Variants in SLC1A6 observed in about 807,000 individuals in gnomAD.
The protein encoded by SLC1A6 is solute carrier family 1 member 6, also known as excitatory amino acid transporter 4.
Under a neutral mutation model 42.1 loss-of-function variants are expected in SLC1A6, and 15 were observed. The ratio of observed to expected loss-of-function variants is 0.36; its 90% CI spans 0.24 to 0.55. The LOEUF (loss-of-function observed/expected upper bound fraction) is 0.55. Ranked by LOEUF, SLC1A6 falls within the 20% of genes least tolerant of loss-of-function variation. The probability of loss-of-function intolerance (pLI) is 0.88; values close to 1 mark genes in which losing one functional copy is unlikely to be tolerated. For synonymous variants in SLC1A6, 317 were observed against 319.7 expected (o/e 0.99, Z 0.09); for missense variants, 542 against 772.5 (o/e 0.70, Z 3.54).
At chr19:14,996,279 T>C (rs1171169142) in intron 1 of SLC1A6, among the ~76,000 whole-genome samples, 1 of 152,126 alleles carries the variant, frequency 6.6e-6, no homozygotes, top group Non-Finnish European at 1.5e-5. Context: ...AAGTAGAACA[T>C]TGGTTACCAG....
In SLC1A6 at chr19:14,954,274, G is replaced by T. The variant is rs889266576; in HGVS notation, c.1225C>A (p.Arg409Ser). The change falls in exon 8 of 10, where the codon CGC becomes AGC. Residue 409 changes from arginine (R) to serine (S), a missense_variant. Transcript: ENST00000594383. ...GGCAGGACGAACCTGGTGATGCGGCGGTCCACACCCAGGCCCTCCTCCAGG... is the reference window on the plus strand; with the variant it reads ...GGCAGGACGAACCTGGTGATGCGGCTGTCCACACCCAGGCCCTCCTCCAGG... ...RCLEEGLGVD[R>S]RITRFVLPVG... is the part of the protein sequence containing the mutation. 5.0e-6 allele frequency: 8 copies of T among 1,613,330 alleles called. No individual in the cohort carries two copies. The highest frequency in any genetic ancestry group is 6.8e-6 in the Non-Finnish European group (8 of 1,180,030).
At chr19:14,981,208 A>T (rs906537772), upstream of SLC1A6, among the ~76,000 whole-genome samples, 2 of 151,996 alleles carry the variant, frequency 1.3e-5, no homozygotes, top group Admixed American at 6.6e-5. Flanking sequence ...CAGGAGGGTC[A>T]CTTGAGCTTA....
intron 1 of SLC1A6, among the ~76,000 whole-genome samples, chr19:15,002,851 T>C (rs1228104334): frequency 6.6e-6 from 1 of 152,234 alleles, no homozygotes; most frequent in African/African-American, 2.4e-5. Context: ...AATTTGTCCA[T>C]TGCAGGAAGA....
At chr19:14,996,540 C>CT (rs1305433961) in intron 1 of SLC1A6, among the ~76,000 whole-genome samples, 39 of 141,780 alleles carry the variant, frequency 2.8e-4, no homozygotes, top group Admixed American at 1.5e-3. Context: ...TCTTCTTCTT[C>CT]TTCTTCTTCT....
At chr19:14,983,541 G>A (rs2045778053), upstream of SLC1A6, among the ~76,000 whole-genome samples, 1 of 151,654 alleles carries the variant, frequency 6.6e-6, no homozygotes, top group Non-Finnish European at 1.5e-5. Context: ...ATTTTAAAAT[G>A]AGCCAGGTAT....
chr19:14,971,502 G>C (rs1225051630), intron 3 of SLC1A6, among the ~76,000 whole-genome samples: 1 of 152,144 alleles, frequency 6.6e-6, no homozygotes, highest in East Asian at 1.9e-4. Context: ...TTACCTCCAA[G>C]GAAAAGGACA....
At chr19:15,010,183 GA>G (rs34036436) in intron 1 of SLC1A6, among the ~76,000 whole-genome samples, 11,317 of 73,548 alleles carry the variant, frequency 0.15, 595 homozygotes, top group South Asian at 0.36. Context: ...AAGACTCTAT[GA>G]AAAAAAAAAA....
chr19:14,964,243 C>T, intron 5 of SLC1A6, 76 bp downstream of exon 5: 1 of 1,292,360 alleles, frequency 7.7e-7, no homozygotes, highest in Non-Finnish European at 1.1e-6. Context: ...GCCTCTTGCC[C>T]TTGGACCATC....
chr19:14,950,923 T>C (rs1213273040), intron 9 of SLC1A6, among the ~76,000 whole-genome samples: 1 of 143,988 alleles, frequency 6.9e-6, no homozygotes, highest in East Asian at 2.0e-4. Context: ...CCAGCCTAGA[T>C]GACAGAACAA....
intron 1 of SLC1A6, among the ~76,000 whole-genome samples, chr19:15,007,601 G>A (rs539351467): frequency 7.8e-4 from 119 of 152,084 alleles, no homozygotes; most frequent in African/African-American, 2.7e-3. Context: ...GATTCCATCC[G>A]TTTCTTTATC....
At chr19:15,001,761 A>G (rs1049747197) in intron 1 of SLC1A6, among the ~76,000 whole-genome samples, 1 of 152,086 alleles carries the variant, frequency 6.6e-6, no homozygotes, top group African/African-American at 2.4e-5. Context: ...CCCTTGGCTC[A>G]GGTGATTCTC....
At chr19:14,978,020 T>A (rs1410388659) in intron 1 of SLC1A6, 1 of 152,292 alleles carries the variant, frequency 6.6e-6, no homozygotes, top group African/African-American at 2.4e-5. Context: ...AAATGTGATC[T>A]TAGACTCCAC....
chr19:14,971,700 G>A (rs778732283), intron 3 of SLC1A6, 37 bp downstream of exon 3: 39 of 1,609,110 alleles, frequency 2.4e-5, no homozygotes, highest in Admixed American at 1.0e-4. Flanking sequence ...GGCTCTAGAC[G>A]GGTCTTGGAG....
intron 1 of SLC1A6, among the ~76,000 whole-genome samples, chr19:14,996,864 A>C (rs986104979): frequency 3.3e-5 from 5 of 152,056 alleles, no homozygotes; most frequent in African/African-American, 1.2e-4. Context: ...GGAGGTAGAA[A>C]GGATGCACCC....
intron 1 of SLC1A6, among the ~76,000 whole-genome samples, chr19:14,976,254 C>T (rs183095881): frequency 1.3e-5 from 2 of 152,296 alleles, no homozygotes; most frequent in Admixed American, 1.3e-4. Flanking sequence ...TATTCGCAAT[C>T]GCCTAGATAT....
intron 3 of SLC1A6, among the ~76,000 whole-genome samples, chr19:14,971,295 C>A (rs912293698): frequency 1.3e-5 from 2 of 152,058 alleles, no homozygotes; most frequent in Non-Finnish European, 2.9e-5. Context: ...AGTTTGTGGA[C>A]CCCTGCATAA....
chr19:14,962,810 G>A (rs1045646030), intron 5 of SLC1A6, among the ~76,000 whole-genome samples: 1 of 152,146 alleles, frequency 6.6e-6, no homozygotes, highest in African/African-American at 2.4e-5. Context: ...GGCTGAGGCA[G>A]GAGAATCGCT....
At position 14,971,786 on chromosome 19, in the gene SLC1A6, C is replaced by T. The variant is rs1195708531; in HGVS notation, c.294G>A (p.Arg98=). 2 of 1,614,000 alleles carry T rather than the reference C, an allele frequency of 1.2e-6. No homozygotes were observed. The highest frequency in any genetic ancestry group is 1.7e-6 in the Non-Finnish European group (2 of 1,180,008). The stretch of plus-strand genomic sequence containing the variant: ...GAGGTAACACCAGCATCTGCAGCAT[C>T]CTCATCAGAAGCTCTCCAGGAAAAG... ...YFSFPGELLM[R]MLQMLVLPLI... Residue 98 remains arginine, a synonymous_variant, in exon 3 of 10, where the codon AGG becomes AGA. Coordinates refer to ENST00000594383, the MANE Select transcript of SLC1A6 (RefSeq NM_005071.3).
intron 1 of SLC1A6, among the ~76,000 whole-genome samples, chr19:14,991,449 C>A (rs530895948): frequency 4.5e-4 from 68 of 152,062 alleles, no homozygotes; most frequent in Middle Eastern, 6.8e-3. Flanking sequence ...ATGGTGAAAC[C>A]CCATCTCTAC....
Sources: allele counts gnomAD v4.1 joint callset (sites outside exome capture counted in the v4.1 genomes callset), GRCh38; gene constraint gnomAD v4.1.1; transcripts MANE v1.5; gene names NCBI Gene and HGNC (gene_info 2026-07-23, HGNC 2026-07-21).